Variants in ANO4 observed in about 807,000 individuals in gnomAD.
ANO4 encodes the protein anoctamin-4.
ANO4 carries 69 observed loss-of-function variants against 141.9 expected under a neutral mutation model. The observed-to-expected ratio is 0.49, with a 90% confidence interval of 0.40 to 0.59. The LOEUF is 0.59. Ranked by LOEUF, ANO4 falls within the 20% of genes least tolerant of loss-of-function variation. The probability of loss-of-function intolerance (pLI) is 0.00; values close to 1 mark genes in which losing one functional copy is unlikely to be tolerated. For missense variants in ANO4, 894 were observed against 1,162.2 expected (o/e 0.77, Z 3.36); for synonymous variants, 350 against 394.3 (o/e 0.89, Z 1.33).
chr12:100,950,360 A>AGGAC (rs2042921183), intron 5 of ANO4, among the ~76,000 whole-genome samples: 2 of 152,240 alleles, frequency 1.3e-5, no homozygotes, highest in Non-Finnish European at 1.5e-5. Context: ...AGGAGAATTT[A>AGGAC]GGACAGTCAT....
intron 1 of ANO4, among the ~76,000 whole-genome samples, chr12:100,856,772 T>A (rs932580636): frequency 6.6e-6 from 1 of 152,102 alleles, no homozygotes; most frequent in African/African-American, 2.4e-5. Context: ...CAGCTTCGCA[T>A]TGTGGAAGAA....
chr12:100,833,135 T>C (rs1388697734), intron 1 of ANO4, among the ~76,000 whole-genome samples: 1 of 152,082 alleles, frequency 6.6e-6, no homozygotes, highest in Non-Finnish European at 1.5e-5. Context: ...TTTGAAAAAC[T>C]ATTCAGGAAC....
chr12:101,048,487 G>A (rs1338969357), intron 14 of ANO4, 86 bp downstream of exon 14: 1 of 1,245,196 alleles, frequency 8.0e-7, no homozygotes, highest in Non-Finnish European at 1.1e-6. Flanking sequence ...GGATGTGAAA[G>A]AAAGAAGCTT....
intron 5 of ANO4, among the ~76,000 whole-genome samples, chr12:100,944,355 AGTTTT>A (rs997052838): frequency 6.7e-6 from 1 of 149,412 alleles, no homozygotes; most frequent in Non-Finnish European, 1.5e-5. Flanking sequence ...TATACAAGAT[AGTTTT>A]GTTTGTTGGA....
At position 101,085,909 on chromosome 12, in the gene ANO4, TC is replaced by T. The variant is rs538782347; in HGVS notation, c.1537-750del. Among the ~76,000 whole-genome samples the T allele has an allele frequency of 2.1e-4, 32 of 152,266 alleles. No individual in the cohort carries two copies. The South Asian group carries it at 3.9e-3, about 19-fold the overall frequency. ...TTCTAGTAGGGGAGCCTGAGAATAGTCAAACAGATTGTTAGAAATTATAAGT... is the reference window on the plus strand; with the variant it reads ...TTCTAGTAGGGGAGCCTGAGAATAGTAAACAGATTGTTAGAAATTATAAGT... On this transcript the variant is annotated intron_variant, in intron 16 of 27. Transcript: ENST00000392977.
chr12:100,839,822 G>C (rs1345193152), intron 1 of ANO4, among the ~76,000 whole-genome samples: 2 of 152,108 alleles, frequency 1.3e-5, no homozygotes, highest in African/African-American at 4.8e-5. Context: ...CTGCAAAAAT[G>C]AATGCATTAT....
intron 9 of ANO4, among the ~76,000 whole-genome samples, chr12:101,029,929 A>ACTATT (rs1203857716): frequency 6.6e-6 from 1 of 151,364 alleles, no homozygotes; most frequent in Non-Finnish European, 1.5e-5. Context: ...AAAAGAGCTA[A>ACTATT]CTATTCTAAA....
chr12:100,783,497 A>G (rs118151151), intron 3 of ANO4, among the ~76,000 whole-genome samples: 3,538 of 152,266 alleles, frequency 0.023, 91 homozygotes, highest in Admixed American at 0.075. Flanking sequence ...GAAGTTGTCA[A>G]GATCACTTCC....
chr12:100,746,614 C>G (rs1287567900), intron 3 of ANO4, among the ~76,000 whole-genome samples: 1 of 152,154 alleles, frequency 6.6e-6, no homozygotes, highest in African/African-American at 2.4e-5. Flanking sequence ...TTGGTTGACA[C>G]AACTTGGCAG....
intron 8 of ANO4, among the ~76,000 whole-genome samples, chr12:101,016,120 A>G (rs148538510): frequency 6.6e-6 from 1 of 152,290 alleles, no homozygotes; most frequent in Non-Finnish European, 1.5e-5. Flanking sequence ...TTAGTTTCAT[A>G]GCCCCTGTGT....
At chr12:100,759,499 T>G (rs1424800371) in intron 3 of ANO4, among the ~76,000 whole-genome samples, 1 of 152,180 alleles carries the variant, frequency 6.6e-6, no homozygotes, top group East Asian at 1.9e-4. Flanking sequence ...TGGGCACAGC[T>G]TAGCTTCTAG....
intron 9 of ANO4, among the ~76,000 whole-genome samples, chr12:101,033,700 A>C (rs1033596650): frequency 2.6e-5 from 4 of 152,234 alleles, no homozygotes; most frequent in Non-Finnish European, 5.9e-5. Flanking sequence ...CAGAGTGAAC[A>C]GACAATCTAC....
At position 101,097,937 on chromosome 12, in the gene ANO4, T is replaced by C; in HGVS notation, c.1998T>C (p.Leu666=). 2 of 1,613,420 alleles carry C rather than the reference T, an allele frequency of 1.2e-6. No individual in the cohort carries two copies. Among genetic ancestry groups the C allele is most frequent in the South Asian group, 2.2e-5 (2 of 91,054 alleles). Residue 666 remains leucine (L), a synonymous_variant, in exon 21 of 28, where the codon CTT becomes CTC. Transcript: ENST00000392977. ...LKQTWNNFME[L]GYPLIQNWWT... is the part of the protein sequence containing the mutation. ...AGACCTGGAATAATTTCATGGAACT[T>C]GGCTACCCGTAAGTACCTTAGTATC...
intron 9 of ANO4, among the ~76,000 whole-genome samples, chr12:101,020,858 T>C (rs1461819829): frequency 6.6e-6 from 1 of 152,202 alleles, no homozygotes; most frequent in South Asian, 2.1e-4. Context: ...TTTGTTCTTA[T>C]CTCTTTTTCC....
At chr12:100,930,947 AGG>A (rs1275870241) in intron 3 of ANO4, among the ~76,000 whole-genome samples, 1 of 152,176 alleles carries the variant, frequency 6.6e-6, no homozygotes, top group Non-Finnish European at 1.5e-5. Flanking sequence ...AAAGGGCTGT[AGG>A]GTTCCAGAGA....
intron 14 of ANO4, among the ~76,000 whole-genome samples, chr12:101,069,913 G>A (rs1233176812): frequency 6.6e-6 from 1 of 152,124 alleles, no homozygotes; most frequent in Non-Finnish European, 1.5e-5. Context: ...CATAGTGTCT[G>A]TGGGAGGTGA....
intron 14 of ANO4, among the ~76,000 whole-genome samples, chr12:101,076,410 A>C (rs1487769838): frequency 2.0e-5 from 3 of 152,180 alleles, no homozygotes; most frequent in African/African-American, 7.2e-5. Flanking sequence ...GTAAGAAATA[A>C]ATTTCTATTG....
chr12:100,781,340 G>C (rs185596148), intron 3 of ANO4, among the ~76,000 whole-genome samples: 43 of 152,274 alleles, frequency 2.8e-4, no homozygotes, highest in Non-Finnish European at 1.6e-4. Flanking sequence ...CCACAGAGCT[G>C]TTTTGCTGGT....
chr12:101,015,755 G>T (rs1298567249), intron 8 of ANO4, among the ~76,000 whole-genome samples: 2 of 152,162 alleles, frequency 1.3e-5, no homozygotes, highest in Non-Finnish European at 2.9e-5. Context: ...GAGTGGATAT[G>T]AGTTTACAAG....
Sources: allele counts gnomAD v4.1 joint callset (sites outside exome capture counted in the v4.1 genomes callset), GRCh38; gene constraint gnomAD v4.1.1; transcripts MANE v1.5; gene names NCBI Gene and HGNC (gene_info 2026-07-23, HGNC 2026-07-21).